Variants in TRPM3 observed in about 807,000 individuals in gnomAD.
TRPM3 encodes transient receptor potential cation channel subfamily M member 3.
Under a neutral mutation model 181.2 loss-of-function variants are expected in TRPM3, and 77 were observed. The ratio of observed to expected loss-of-function variants is 0.42; its 90% CI spans 0.35 to 0.51. The LOEUF is 0.51. Among genes scored for constraint, TRPM3 ranks in the 20% least tolerant of loss-of-function variants. The pLI, the probability that TRPM3 is intolerant of heterozygous loss-of-function variation, is 0.01. For missense variants in TRPM3, 1,759 were observed against 2,196.7 expected (o/e 0.80, Z 3.98); for synonymous variants, 745 against 796.4 (o/e 0.94, Z 1.09).
At chr9:71,207,635 A>C (rs1369421160) in intron 1 of TRPM3, among the ~76,000 whole-genome samples, 1 of 152,184 alleles carries the variant, frequency 6.6e-6, no homozygotes, top group Admixed American at 6.5e-5. Context: ...ATAGTATAGT[A>C]CTATAAATTC....
intron 1 of TRPM3, among the ~76,000 whole-genome samples, chr9:70,940,988 T>C (rs2096880527): frequency 6.6e-6 from 1 of 152,260 alleles, no homozygotes; most frequent in Non-Finnish European, 1.5e-5. Flanking sequence ...ACTTTGCGTA[T>C]GAATTATGCA....
chr9:71,283,251 T>G (rs1404337091), intron 1 of TRPM3, among the ~76,000 whole-genome samples: 2 of 152,174 alleles, frequency 1.3e-5, no homozygotes, highest in East Asian at 1.9e-4. Flanking sequence ...TAGCATGATG[T>G]CCTTAAACTT....
At chr9:71,177,105 C>A (rs768669584) in intron 1 of TRPM3, among the ~76,000 whole-genome samples, 4 of 152,032 alleles carry the variant, frequency 2.6e-5, no homozygotes, top group African/African-American at 7.2e-5. Flanking sequence ...GAGCATGAAC[C>A]CTGCTGTGAA....
At chr9:71,320,275 CT>C (rs1296086998) in intron 1 of TRPM3, among the ~76,000 whole-genome samples, 2 of 151,656 alleles carry the variant, frequency 1.3e-5, no homozygotes, top group African/African-American at 4.8e-5. Context: ...CTAGAATTAC[CT>C]TTCTTGCAAT....
intron 1 of TRPM3, among the ~76,000 whole-genome samples, chr9:71,392,091 A>G (rs554094946): frequency 6.6e-6 from 1 of 152,280 alleles, no homozygotes; most frequent in South Asian, 2.1e-4. Flanking sequence ...CAGAAACTAA[A>G]AAGAGAAAAG....
chr9:70,756,973 A>G (rs2077192073), intron 8 of TRPM3, among the ~76,000 whole-genome samples: 1 of 152,194 alleles, frequency 6.6e-6, no homozygotes, highest in Admixed American at 6.5e-5. Flanking sequence ...AGAAGACAAG[A>G]AATAACTAAG....
At chr9:71,082,940 A>G (rs1335738620) in intron 1 of TRPM3, among the ~76,000 whole-genome samples, 4 of 152,162 alleles carry the variant, frequency 2.6e-5, no homozygotes, top group Non-Finnish European at 5.9e-5. Context: ...ATCTTAGAAG[A>G]CAATTTGAAA....
chr9:71,420,273 G>A (rs914479311), intron 1 of TRPM3, among the ~76,000 whole-genome samples: 1 of 151,884 alleles, frequency 6.6e-6, no homozygotes, highest in Non-Finnish European at 1.5e-5. Flanking sequence ...GGCTGGGGAT[G>A]CTACATGGAT....
At chr9:71,348,622 T>G (rs1366249222) in intron 1 of TRPM3, among the ~76,000 whole-genome samples, 1 of 151,946 alleles carries the variant, frequency 6.6e-6, no homozygotes, top group Non-Finnish European at 1.5e-5. Flanking sequence ...TAGGCTGGAG[T>G]GCAGTGTCGC....
intron 1 of TRPM3, among the ~76,000 whole-genome samples, chr9:71,037,929 T>C (rs1384338218): frequency 6.6e-6 from 1 of 152,200 alleles, no homozygotes; most frequent in Non-Finnish European, 1.5e-5. Flanking sequence ...GGCACAGCCA[T>C]TGTTGCTGTG....
At chr9:70,564,691 T>C (rs1564346568) in intron 22 of TRPM3, among the ~76,000 whole-genome samples, 1 of 152,160 alleles carries the variant, frequency 6.6e-6, no homozygotes, top group Non-Finnish European at 1.5e-5. Context: ...TGCATGTCTA[T>C]GTGTAAATGC....
intron 1 of TRPM3, among the ~76,000 whole-genome samples, chr9:71,110,716 TATTA>T (rs1207511037): frequency 1.3e-5 from 2 of 152,230 alleles, no homozygotes. Context: ...TCAGCTAGGA[TATTA>T]ATTAATGCAG....
chr9:70,953,779 G>A (rs890373621), intron 1 of TRPM3, among the ~76,000 whole-genome samples: 2 of 152,122 alleles, frequency 1.3e-5, no homozygotes, highest in Admixed American at 1.3e-4. Context: ...ACCTAAACAA[G>A]GTAGGCCGGA....
intron 19 of TRPM3, among the ~76,000 whole-genome samples, chr9:70,606,649 GTGTA>G (rs2061196913): frequency 3.9e-5 from 3 of 77,818 alleles, no homozygotes; most frequent in South Asian, 4.1e-4. Flanking sequence ...GTGTGTGTGT[GTGTA>G]TATATATATA....
chr9:70,833,493 C>T (rs1252139765), intron 5 of TRPM3, among the ~76,000 whole-genome samples: 1 of 152,108 alleles, frequency 6.6e-6, no homozygotes, highest in Admixed American at 6.6e-5. Flanking sequence ...ATGCCAGGCA[C>T]TGTGATGGAC....
At chr9:70,785,763 T>C (rs1479846752) in intron 6 of TRPM3, among the ~76,000 whole-genome samples, 1 of 152,214 alleles carries the variant, frequency 6.6e-6, no homozygotes, top group Non-Finnish European at 1.5e-5. Flanking sequence ...CTCCTTTAAC[T>C]TGATGTTTTT....
At chr9:70,862,419 G>T (rs959389733) in intron 3 of TRPM3, among the ~76,000 whole-genome samples, 2 of 152,038 alleles carry the variant, frequency 1.3e-5, no homozygotes, top group Admixed American at 6.6e-5. Context: ...TAATTTCGAT[G>T]GCAATATTTC....
chr9:71,162,199 C>CAAAAAAAAAAAAAAAAAAAAAAAAAAAA (rs35947110), intron 1 of TRPM3, among the ~76,000 whole-genome samples: 2 of 74,454 alleles, frequency 2.7e-5, no homozygotes, highest in African/African-American at 1.1e-4. Flanking sequence ...GACTCTGTCT[C>CAAAAAAAAAAAAAAAAAAAAAAAAAAAA]AAAAAAAAAA....
At chr9:70,656,762 A>C (rs1564731529) in intron 9 of TRPM3, among the ~76,000 whole-genome samples, 1 of 152,178 alleles carries the variant, frequency 6.6e-6, no homozygotes, top group Non-Finnish European at 1.5e-5. Context: ...GGTATTTTCC[A>C]ATGAAAATAA....
Sources: allele counts gnomAD v4.1 joint callset (sites outside exome capture counted in the v4.1 genomes callset), GRCh38; gene constraint gnomAD v4.1.1; transcripts MANE v1.5; gene names NCBI Gene and HGNC (gene_info 2026-07-23, HGNC 2026-07-21).